AOPEP: variants seen among roughly 807,000 people sequenced by gnomAD.
The protein encoded by AOPEP is aminopeptidase O.
In AOPEP, 77 loss-of-function variants were observed where a neutral mutation model predicts 98.1. The observed-to-expected ratio is 0.78, with a 90% CI of 0.65 to 0.95. The LOEUF is 0.95. Ranked by LOEUF, AOPEP falls within the 40% of genes least tolerant of loss-of-function variation. The pLI, the probability that AOPEP is intolerant of heterozygous loss-of-function variation, is 0.00. For synonymous variants in AOPEP, 346 were observed against 365.3 expected (o/e 0.95, Z 0.60); for missense variants, 1,024 against 1,024.7 (o/e 1.00, Z 0.01).
At chr9:94,807,878 T>A (rs1000319970) in intron 5 of AOPEP, among the ~76,000 whole-genome samples, 1 of 152,188 alleles carries the variant, frequency 6.6e-6, no homozygotes, top group Non-Finnish European at 1.5e-5. Context: ...CAAAGTACAA[T>A]GTGTGAACAG....
At chr9:95,005,726 A>G in intron 13 of AOPEP, 110 bp downstream of exon 13, 2 of 807,040 alleles carry the variant, frequency 2.5e-6, no homozygotes, top group South Asian at 3.0e-5. Flanking sequence ...AGTTTTTGTT[A>G]TAATAAACCA....
At chr9:95,079,505 A>G (rs73654507) in intron 14 of AOPEP, among the ~76,000 whole-genome samples, 2,373 of 152,344 alleles carry the variant, frequency 0.016, 63 homozygotes, top group African/African-American at 0.054. Flanking sequence ...TTGACGTGGT[A>G]TAACTGAGAG....
chr9:94,897,630 G>C (rs528228231), intron 5 of AOPEP, among the ~76,000 whole-genome samples: 4 of 152,186 alleles, frequency 2.6e-5, no homozygotes, highest in African/African-American at 9.6e-5. Flanking sequence ...AAATGAAAGG[G>C]GGTGTAGACA....
chr9:94,994,223 T>C (rs186325735), intron 11 of AOPEP, among the ~76,000 whole-genome samples: 1 of 152,332 alleles, frequency 6.6e-6, no homozygotes, highest in East Asian at 1.9e-4. Flanking sequence ...TCTGCCTGGG[T>C]TTTGCATAAA....
chr9:94,967,701 CCAGG>C (rs2059293359), intron 9 of AOPEP, 53 bp from the exon 10 acceptor site: 1 of 1,466,032 alleles, frequency 6.8e-7, no homozygotes. Flanking sequence ...TGGCATGGTT[CCAGG>C]CAGAGTTATT....
At chr9:94,982,642 C>A (rs1260714273) in intron 11 of AOPEP, among the ~76,000 whole-genome samples, 2 of 147,850 alleles carry the variant, frequency 1.4e-5, no homozygotes, top group African/African-American at 5.1e-5. Flanking sequence ...GATCATGGCT[C>A]ACTGCAGCCT....
chr9:94,816,259 G>A (rs182519260), intron 5 of AOPEP, among the ~76,000 whole-genome samples: 1 of 152,106 alleles, frequency 6.6e-6, no homozygotes, highest in Non-Finnish European at 1.5e-5. Flanking sequence ...TATAGTTCAG[G>A]GTCCCCAGCT....
At chr9:95,030,168 TA>T (rs1454575580) in intron 13 of AOPEP, among the ~76,000 whole-genome samples, 3 of 152,214 alleles carry the variant, frequency 2.0e-5, no homozygotes, top group Admixed American at 2.0e-4. Context: ...TGGGAAGGTA[TA>T]AAGAAGAAAT....
Position 94,915,301 on chromosome 9 carries a change from C to A in AOPEP, c.1365-8685C>A, listed in dbSNP as rs181530217. Among the ~76,000 whole-genome samples, 1,289 of 152,200 alleles carry A rather than the reference C, an allele frequency of 8.5e-3. 19 individuals are homozygous for A. The highest frequency in any genetic ancestry group is 0.03 in the African/African-American group (1,225 of 41,522). On this transcript the variant is annotated intron_variant, in intron 5 of 16. Coordinates refer to ENST00000375315, the MANE Select transcript of AOPEP (RefSeq NM_001193329.3). ...CATCATTTTATTTTTTCTTTTCTTTCTGCTCTAATCATCACCGCTCCTGCC... is the reference window on the plus strand; with the variant it reads ...CATCATTTTATTTTTTCTTTTCTTTATGCTCTAATCATCACCGCTCCTGCC...
chr9:95,060,723 G>A lies in AOPEP; in HGVS notation c.2145G>A (p.Leu715=). The A allele has an allele frequency of 6.2e-7, 1 of 1,614,004 alleles. No homozygotes were observed. The highest frequency in any genetic ancestry group is 8.5e-7 in the Non-Finnish European group (1 of 1,179,888). Residue 715 remains leucine (L), a synonymous_variant, in exon 14 of 17, where the codon CTG becomes CTA. Coordinates refer to ENST00000375315, the MANE Select transcript of AOPEP (RefSeq NM_001193329.3). The part of the protein sequence containing the change: ...KLLPDQLVLL[L]EHLLEQKTLS... Reference sequence around the variant, plus strand: ...TTCCAGACCAGCTGGTCTTGCTTCTGGAGCATCTCTTGGAGCAGAAGACTC... The same window carrying A: ...TTCCAGACCAGCTGGTCTTGCTTCTAGAGCATCTCTTGGAGCAGAAGACTC...
At chr9:94,839,941 A>C (rs2042088339) in intron 5 of AOPEP, among the ~76,000 whole-genome samples, 1 of 152,012 alleles carries the variant, frequency 6.6e-6, no homozygotes, top group Non-Finnish European at 1.5e-5. Context: ...TAACATTTTA[A>C]ATTTTTTGTA....
chr9:95,122,295 G>A, the AOPEP span, among the ~76,000 whole-genome samples: 4 of 152,152 alleles, frequency 2.6e-5, no homozygotes, highest in Non-Finnish European at 4.4e-5. Flanking sequence ...AAAACACAGA[G>A]AGAAAAGAGG....
intron 5 of AOPEP, among the ~76,000 whole-genome samples, chr9:94,822,227 C>T (rs554799066): frequency 6.6e-6 from 1 of 152,258 alleles, no homozygotes; most frequent in East Asian, 1.9e-4. Flanking sequence ...GCCCTTTGAC[C>T]CCTTTAAGGA....
chr9:95,096,759 C>T, the AOPEP span, among the ~76,000 whole-genome samples: 8 of 152,374 alleles, frequency 5.3e-5, no homozygotes, highest in South Asian at 1.7e-3. Context: ...CCATGTTTCC[C>T]TTCATGAGAA....
chr9:94,825,674 G>C (rs550530086), intron 5 of AOPEP, among the ~76,000 whole-genome samples: 1 of 152,306 alleles, frequency 6.6e-6, no homozygotes, highest in East Asian at 1.9e-4. Context: ...TTGGTAATTG[G>C]AGAGTTAATA....
At chr9:94,945,939 G>A (rs546430335) in intron 7 of AOPEP, among the ~76,000 whole-genome samples, 1 of 152,176 alleles carries the variant, frequency 6.6e-6, no homozygotes, top group Admixed American at 6.5e-5. Context: ...CACACCAGCA[G>A]CCTGAGTTAT....
intron 13 of AOPEP, among the ~76,000 whole-genome samples, chr9:95,007,053 C>T (rs2062083585): frequency 2.6e-5 from 4 of 151,916 alleles, no homozygotes; most frequent in Admixed American, 2.0e-4. Flanking sequence ...AGGCACATGG[C>T]ACCACACCCT....
At position 94,924,186 on chromosome 9, in the gene AOPEP, G is replaced by A. The variant is rs2136850319; in HGVS notation, c.1554+11G>A. On this transcript the variant is annotated intron_variant, in intron 6 of 16. Transcript: ENST00000375315. ...GCCACAGCACAGCAGGTGGGTTAAA[G>A]TGACCCTAAGTATTTCACTACCCAG... The A allele has an allele frequency of 1.5e-6, 2 of 1,349,200 alleles. No individual in the cohort carries two copies. The allele number at this position is 1,349,200 out of a possible 1,614,324, so 83.6% of individuals were successfully genotyped here.
At chr9:95,120,236 T>G in the AOPEP span, among the ~76,000 whole-genome samples, 12 of 152,322 alleles carry the variant, frequency 7.9e-5, no homozygotes, top group African/African-American at 2.9e-4. Flanking sequence ...CATATGGACA[T>G]CCAGTTATTC....
Sources: gnomAD v4.1 joint callset for allele counts (sites outside exome capture counted in the v4.1 genomes callset) on GRCh38, gnomAD v4.1.1 for gene constraint, MANE v1.5 for transcripts, NCBI Gene and HGNC (gene_info 2026-07-23, HGNC 2026-07-21) for gene names.